Variants in CPE observed in about 807,000 individuals in gnomAD.
CPE encodes carboxypeptidase E.
CPE carries 17 observed loss-of-function variants against 53.5 expected under a neutral mutation model. The ratio of observed to expected loss-of-function variants is 0.32; its 90% CI spans 0.22 to 0.48. The LOEUF (loss-of-function observed/expected upper bound fraction) is 0.48, where lower values mean the gene tolerates loss of function less well. Among genes scored for constraint, CPE ranks in the 20% least tolerant of loss-of-function variants. CPE has a pLI of 0.99. For missense variants in CPE, 524 were observed against 614.7 expected (o/e 0.85, Z 1.56); for synonymous variants, 226 against 228.8 (o/e 0.99, Z 0.11).
intron 1 of CPE, among the ~76,000 whole-genome samples, chr4:165,413,857 T>G (rs1044630514): frequency 1.3e-5 from 2 of 152,196 alleles, no homozygotes; most frequent in African/African-American, 4.8e-5. Context: ...TTTCTGGAAA[T>G]GTTTAGTCAA....
In CPE at chr4:165,379,339, C is replaced by G; in HGVS notation, c.118C>G (p.Arg40Gly). 6.3e-7 allele frequency: 1 copy of G among 1,580,512 alleles called. No homozygotes were observed. The highest frequency in any genetic ancestry group is 8.6e-7 in the Non-Finnish European group (1 of 1,167,870). The change falls in exon 1 of 9, where the codon CGC becomes GGC. Residue 40 changes from arginine (R) to glycine (G), a missense_variant. Physicochemically the swap from Arg to Gly is moderately radical, Grantham distance 125 (BLOSUM62 -2). Coordinates refer to ENST00000402744, the MANE Select transcript of CPE (RefSeq NM_001873.4). The surrounding 1 kb of genome is among the most constrained non-coding windows in gnomAD (Gnocchi z 6.0). The part of the protein sequence containing the change: ...PGAPAAGMRR[R>G]RRLQQEDGIS... ...GGCGCCCGCGGCGGGCATGAGGCGGCGCCGGCGGCTGCAGCAAGAGGACGG... is the reference window on the plus strand; with the variant it reads ...GGCGCCCGCGGCGGGCATGAGGCGGGGCCGGCGGCTGCAGCAAGAGGACGG...
chr4:165,446,044 A>G (rs546037588), intron 1 of CPE, among the ~76,000 whole-genome samples: 2 of 152,288 alleles, frequency 1.3e-5, no homozygotes, highest in Admixed American at 1.3e-4. Flanking sequence ...TAGGTAGAAT[A>G]AGATAAAATG....
At chr4:165,391,792 C>G (rs1730683828) in intron 1 of CPE, among the ~76,000 whole-genome samples, 1 of 151,982 alleles carries the variant, frequency 6.6e-6, no homozygotes, top group South Asian at 2.1e-4. Context: ...CAGTATTTTA[C>G]CAAGTACTTT....
chr4:165,431,880 A>T (rs556579862), intron 1 of CPE, among the ~76,000 whole-genome samples: 7 of 152,198 alleles, frequency 4.6e-5, no homozygotes, highest in Admixed American at 2.6e-4. Flanking sequence ...TAAAGCAGAC[A>T]TTCCTATGTG....
intron 1 of CPE, among the ~76,000 whole-genome samples, chr4:165,415,712 A>G (rs1283386924): frequency 6.6e-6 from 1 of 152,092 alleles, no homozygotes; most frequent in Non-Finnish European, 1.5e-5. Flanking sequence ...TCACAAATAT[A>G]GCATATATTT....
chr4:165,389,493 T>C (rs1027926460), intron 1 of CPE, among the ~76,000 whole-genome samples: 4 of 152,180 alleles, frequency 2.6e-5, no homozygotes, highest in Non-Finnish European at 2.9e-5. Flanking sequence ...TTTTAAACAG[T>C]TGGGCTAACT....
At chr4:165,486,762 T>A (rs557240732) in intron 5 of CPE, among the ~76,000 whole-genome samples, 31 of 152,284 alleles carry the variant, frequency 2.0e-4, no homozygotes, top group Admixed American at 1.0e-3. Context: ...ATTCCCCACA[T>A]TTTTCCTCTG....
At chr4:165,393,752 T>C (rs967098004) in intron 1 of CPE, among the ~76,000 whole-genome samples, 1 of 152,232 alleles carries the variant, frequency 6.6e-6, no homozygotes, top group Non-Finnish European at 1.5e-5. Context: ...TTATCAGTTA[T>C]GTTTTCAAAT....
intron 1 of CPE, among the ~76,000 whole-genome samples, chr4:165,396,670 CAA>C (rs55987493): frequency 2.2e-5 from 3 of 133,646 alleles, no homozygotes; most frequent in Non-Finnish European, 1.6e-5. Flanking sequence ...GATTCTGTCT[CAA>C]AAAAAAAAAA....
intron 1 of CPE, among the ~76,000 whole-genome samples, chr4:165,429,695 C>T (rs66903738): frequency 0.3 from 44,324 of 150,114 alleles, 6,592 homozygotes; most frequent in Middle Eastern, 0.38. Context: ...GAGTGAGACC[C>T]TGTTTAAAAA....
Position 165,498,111 on chromosome 4 carries a change from G to A in CPE, c.*501G>A, listed in dbSNP as rs912158076. The A allele has an allele frequency of 1.3e-5, 2 of 152,084 alleles. No homozygotes were observed. Among genetic ancestry groups the A allele is most frequent in the Non-Finnish European group, 2.9e-5 (2 of 68,012 alleles). 9.4% of individuals were successfully genotyped at this position (152,084 alleles called of 1,614,324 possible). On this transcript the variant is annotated 3_prime_UTR_variant, in exon 9 of 9. Transcript: ENST00000402744. The stretch of plus-strand genomic sequence containing the variant: ...GCTGACTAACTATAAGCATGATCTT[G>A]TTAATGCATTTTTGATGGGAAGAAA...
At chr4:165,496,317 T>G (rs1732705012) in intron 8 of CPE, among the ~76,000 whole-genome samples, 2 of 152,224 alleles carry the variant, frequency 1.3e-5, no homozygotes, top group Non-Finnish European at 1.5e-5. Context: ...ACCCAAAACT[T>G]GGAGTATAAA....
chr4:165,461,718 T>C (rs977121704), intron 1 of CPE, among the ~76,000 whole-genome samples: 1 of 152,194 alleles, frequency 6.6e-6, no homozygotes, highest in African/African-American at 2.4e-5. Flanking sequence ...TGCTGACATA[T>C]TTGCTTTTGG....
chr4:165,431,969 C>T (rs1464233645), intron 1 of CPE, among the ~76,000 whole-genome samples: 1 of 151,802 alleles, frequency 6.6e-6, no homozygotes, highest in Non-Finnish European at 1.5e-5. Flanking sequence ...CTTTCTTTTC[C>T]TCTTACCCCA....
At chr4:165,426,314 A>G (rs1158743826) in intron 1 of CPE, among the ~76,000 whole-genome samples, 5 of 152,242 alleles carry the variant, frequency 3.3e-5, no homozygotes, top group Admixed American at 3.3e-4. Context: ...TGTTATATAT[A>G]ATGATTTATT....
At chr4:165,447,580 A>AAAG (rs1553975426) in intron 1 of CPE, among the ~76,000 whole-genome samples, 10 of 151,704 alleles carry the variant, frequency 6.6e-5, no homozygotes, top group Non-Finnish European at 1.5e-4. Context: ...TTAAAAAAAA[A>AAAG]AAAAGAAAAG....
At chr4:165,437,636 A>G (rs989677761) in intron 1 of CPE, among the ~76,000 whole-genome samples, 3 of 152,232 alleles carry the variant, frequency 2.0e-5, no homozygotes, top group African/African-American at 7.2e-5. Flanking sequence ...GGACATATAA[A>G]TATGCAAATT....
chr4:165,383,371 G>A (rs969864808), intron 1 of CPE, among the ~76,000 whole-genome samples: 3 of 151,912 alleles, frequency 2.0e-5, no homozygotes, highest in Non-Finnish European at 4.4e-5. Context: ...ATCCATCATC[G>A]AAATACAGTA....
intron 1 of CPE, among the ~76,000 whole-genome samples, chr4:165,403,864 C>T (rs1234517800): frequency 3.9e-5 from 6 of 152,056 alleles, no homozygotes; most frequent in Admixed American, 2.0e-4. Flanking sequence ...CTTCCAATAG[C>T]GCAAACTCTA....
Sources: gnomAD v4.1 joint callset for allele counts (sites outside exome capture counted in the v4.1 genomes callset) on GRCh38, gnomAD v4.1.1 for gene constraint, Gnocchi (gnomAD v3.1) non-coding constraint, MANE v1.5 for transcripts, NCBI Gene and HGNC (gene_info 2026-07-23, HGNC 2026-07-21) for gene names.